Variants in DAB1 observed in about 807,000 individuals in gnomAD.
DAB1 encodes DAB adaptor protein 1.
A neutral mutation model predicts 64.6 loss-of-function variants in DAB1; 15 were observed. The ratio of observed to expected loss-of-function variants is 0.23; its 90% CI spans 0.16 to 0.36. The LOEUF (loss-of-function observed/expected upper bound fraction) is 0.36. DAB1 is among the 10% of genes least tolerant of loss of function. The probability of loss-of-function intolerance (pLI) is 1.00; values close to 1 mark genes in which losing one functional copy is unlikely to be tolerated. For synonymous variants in DAB1, 235 were observed against 251.9 expected, an observed-to-expected ratio of 0.93 and a Z score of 0.64; for missense variants, 596 against 706.7, an observed-to-expected ratio of 0.84 and a Z score of 1.78.
At chr1:57,321,029 A>G (rs188332323) in intron 1 of DAB1, among the ~76,000 whole-genome samples, 27 of 152,318 alleles carry the variant, frequency 1.8e-4, no homozygotes, top group Admixed American at 1.6e-3. Flanking sequence ...AAAAAGTGCA[A>G]CCAAATGCAT....
intron 4 of DAB1, among the ~76,000 whole-genome samples, chr1:57,089,348 A>G (rs1221460111): frequency 6.6e-6 from 1 of 152,190 alleles, no homozygotes; most frequent in East Asian, 1.9e-4. Flanking sequence ...TGCTATAAAG[A>G]AATACCTGAG....
chr1:57,442,825 G>A (rs1482433573), intron 7 of DAB1, among the ~76,000 whole-genome samples: 3 of 152,212 alleles, frequency 2.0e-5, no homozygotes, highest in Non-Finnish European at 4.4e-5. Flanking sequence ...TGCCTATGCA[G>A]GTGATTGGAA....
At chr1:58,164,228 C>T (rs1655698697) in intron 4 of DAB1, among the ~76,000 whole-genome samples, 1 of 148,590 alleles carries the variant, frequency 6.7e-6, no homozygotes, top group South Asian at 2.1e-4. Flanking sequence ...GATCAAAGGT[C>T]AGAAGAGCTC....
rs1194087391 is a variant in DAB1 at position 57,350,467 on chromosome 1, T to A, written c.-136-59301A>T. 5.3e-5 allele frequency among the ~76,000 whole-genome samples: 8 copies of A among 152,170 alleles called. 1 individual carries two copies. Among genetic ancestry groups the A allele is most frequent in the Admixed American group, 5.2e-4 (8 of 15,276 alleles). The stretch of plus-strand genomic sequence containing the variant: ...TGCTTGCATGTTCATGGTAAATGTT[T>A]AGTGACAGGAGATCAGGAAAAGCAT... On this transcript the variant is annotated intron_variant, in intron 1 of 14. Transcript: ENST00000371236.
upstream of DAB1, among the ~76,000 whole-genome samples, chr1:57,884,758 C>A (rs1644197640): frequency 6.6e-6 from 1 of 152,176 alleles, no homozygotes; most frequent in Admixed American, 6.5e-5. Context: ...GGCCTAATGG[C>A]AGGTGTTTGG....
At chr1:57,950,656 T>C (rs1353048216) in intron 5 of DAB1, among the ~76,000 whole-genome samples, 7 of 152,212 alleles carry the variant, frequency 4.6e-5, no homozygotes, top group Non-Finnish European at 8.8e-5. Flanking sequence ...TGCCTCCTTG[T>C]CTTTGCATAT....
intron 5 of DAB1, among the ~76,000 whole-genome samples, chr1:57,921,550 T>A (rs1473014054): frequency 1.3e-5 from 2 of 152,036 alleles, no homozygotes; most frequent in East Asian, 3.9e-4. Context: ...TGTCTTCACC[T>A]CCTCTTTCTC....
At chr1:57,907,009 T>G (rs1644563039) in intron 5 of DAB1, among the ~76,000 whole-genome samples, 1 of 152,040 alleles carries the variant, frequency 6.6e-6, no homozygotes, top group Admixed American at 6.6e-5. Context: ...AAAGGAACAT[T>G]GTAAGCAACA....
At chr1:58,268,837 T>C (rs1661237968) in intron 4 of DAB1, among the ~76,000 whole-genome samples, 1 of 151,696 alleles carries the variant, frequency 6.6e-6, no homozygotes, top group Admixed American at 6.6e-5. Flanking sequence ...AAGTTGGAGG[T>C]TTCATACTTC....
intron 3 of DAB1, among the ~76,000 whole-genome samples, chr1:58,394,530 C>T (rs1232957482): frequency 6.6e-6 from 1 of 152,130 alleles, no homozygotes; most frequent in Non-Finnish European, 1.5e-5. Flanking sequence ...GAAAGATGGT[C>T]TTTTAATTAA....
chr1:57,582,521 T>G (rs1645325919), intron 7 of DAB1, among the ~76,000 whole-genome samples: 1 of 152,132 alleles, frequency 6.6e-6, no homozygotes, highest in Non-Finnish European at 1.5e-5. Flanking sequence ...TTTCCAAACA[T>G]CATCACACTG....
intron 1 of DAB1, among the ~76,000 whole-genome samples, chr1:57,859,059 A>G (rs1247356905): frequency 6.6e-6 from 1 of 152,032 alleles, no homozygotes; most frequent in Non-Finnish European, 1.5e-5. Flanking sequence ...TGAAGGAGAA[A>G]GCTATGGCCT....
At chr1:58,473,499 G>GCACA (rs1645385258) in intron 3 of DAB1, among the ~76,000 whole-genome samples, 1 of 151,652 alleles carries the variant, frequency 6.6e-6, no homozygotes, top group Non-Finnish European at 1.5e-5. Flanking sequence ...CCGAGATTGT[G>GCACA]CCACTGCACT....
At chr1:57,172,672 A>G (rs971609721) in intron 2 of DAB1, among the ~76,000 whole-genome samples, 6 of 152,138 alleles carry the variant, frequency 3.9e-5, no homozygotes, top group Non-Finnish European at 8.8e-5. Context: ...AAAGGAAGCG[A>G]TCAGGATTGG....
intron 5 of DAB1, among the ~76,000 whole-genome samples, chr1:57,941,612 G>A (rs1404345730): frequency 2.0e-5 from 3 of 152,148 alleles, no homozygotes; most frequent in Non-Finnish European, 2.9e-5. Flanking sequence ...CAAGGCGGGC[G>A]GATCACGAGG....
At position 58,462,228 on chromosome 1, in the gene DAB1, G is replaced by A. The variant is rs113757211; in HGVS notation, n.257+43832C>T. 3.0e-3 allele frequency among the ~76,000 whole-genome samples: 442 copies of A among 147,218 alleles called. 3 individuals are homozygous for A. The highest frequency in any genetic ancestry group is 0.011 in the African/African-American group (432 of 39,908). ...TGCAAGCTCCGCTTCCCGGGTTCAC[G>A]CCATTCTCCTGCCTCAGCCTCCCGA... On this transcript the variant is annotated intron_variant and non_coding_transcript_variant, in intron 3 of 20. Coordinates refer to the DAB1 transcript ENST00000485760.
At chr1:58,538,045 TAAGTTACAAATAG>T (rs1434116790) in intron 1 of DAB1, among the ~76,000 whole-genome samples, 1 of 152,128 alleles carries the variant, frequency 6.6e-6, no homozygotes, top group Non-Finnish European at 1.5e-5. Context: ...AAAAACACAA[TAAGTTACAAATAG>T]AAGTTCTTGG....
chr1:57,806,906 T>C (rs572911268), intron 6 of DAB1, among the ~76,000 whole-genome samples: 1 of 152,318 alleles, frequency 6.6e-6, no homozygotes, highest in South Asian at 2.1e-4. Flanking sequence ...CCCACTAAAA[T>C]GTAAGCTCCA....
At chr1:58,376,730 T>A (rs1644331040) in intron 3 of DAB1, among the ~76,000 whole-genome samples, 2 of 123,998 alleles carry the variant, frequency 1.6e-5, no homozygotes, top group African/African-American at 6.3e-5. Flanking sequence ...TTCCTGGGTA[T>A]CCTTGTTGAC....
Sources: allele counts gnomAD v4.1 joint callset (sites outside exome capture counted in the v4.1 genomes callset), GRCh38; gene constraint gnomAD v4.1.1; transcripts MANE v1.5; gene names NCBI Gene and HGNC (gene_info 2026-07-23, HGNC 2026-07-21).